LARGE1: variants seen among roughly 807,000 people sequenced by gnomAD.
The protein encoded by LARGE1 is xylosyl- and glucuronyltransferase LARGE1.
LARGE1 carries 43 observed loss-of-function variants against 87.6 expected under a neutral mutation model. The observed-to-expected ratio is 0.49, with a 90% CI of 0.38 to 0.63. The LOEUF (loss-of-function observed/expected upper bound fraction) is 0.63. Ranked by LOEUF, LARGE1 falls within the 30% of genes least tolerant of loss-of-function variation. LARGE1 has a pLI of 0.00. For missense variants in LARGE1, 802 were observed against 1,000.2 expected, an observed-to-expected ratio of 0.80 and a Z score of 2.67; for synonymous variants, 434 against 394.6, an observed-to-expected ratio of 1.10 and a Z score of -1.18.
At chr22:33,555,909 G>GGA (rs1490260479) in intron 6 of LARGE1, among the ~76,000 whole-genome samples, 5 of 147,866 alleles carry the variant, frequency 3.4e-5, no homozygotes, top group Admixed American at 6.8e-5. Context: ...TAGAGTGGGT[G>GGA]GAGAGAGAGA....
chr22:33,791,947 T>C (rs1280691574), intron 1 of LARGE1, among the ~76,000 whole-genome samples: 1 of 152,216 alleles, frequency 6.6e-6, no homozygotes, highest in Non-Finnish European at 1.5e-5. Context: ...CATTACCTCG[T>C]TTACTACTCA....
At chr22:33,441,635 T>A (rs922221253) in intron 6 of LARGE1, among the ~76,000 whole-genome samples, 1 of 152,066 alleles carries the variant, frequency 6.6e-6, no homozygotes, top group Non-Finnish European at 1.5e-5. Context: ...TTAAATTTTT[T>A]TTTGTAGACA....
chr22:33,180,339 C>T (rs937069370), intron 11 of LARGE1, among the ~76,000 whole-genome samples: 1 of 152,156 alleles, frequency 6.6e-6, no homozygotes, highest in South Asian at 2.1e-4. Context: ...ACATCATTAG[C>T]TATAGGAAAA....
At chr22:33,458,339 C>T (rs1438591526) in intron 6 of LARGE1, among the ~76,000 whole-genome samples, 1 of 152,138 alleles carries the variant, frequency 6.6e-6, no homozygotes, top group African/African-American at 2.4e-5. Context: ...CTCCTGACCT[C>T]ATGATCCGCC....
intron 11 of LARGE1, among the ~76,000 whole-genome samples, chr22:33,202,923 T>A (rs527721081): frequency 2.1e-4 from 32 of 152,338 alleles, no homozygotes; most frequent in Middle Eastern, 3.4e-3. Flanking sequence ...TTAGCAGGAA[T>A]TAGCTAAGTT....
At chr22:33,479,566 G>C (rs1270192893) in intron 6 of LARGE1, among the ~76,000 whole-genome samples, 1 of 152,154 alleles carries the variant, frequency 6.6e-6, no homozygotes, top group Non-Finnish European at 1.5e-5. Flanking sequence ...ATGAAAGGAT[G>C]AATGACTGAA....
intron 11 of LARGE1, among the ~76,000 whole-genome samples, chr22:33,207,650 G>A (rs1051634621): frequency 6.6e-6 from 1 of 151,974 alleles, no homozygotes; most frequent in African/African-American, 2.4e-5. Flanking sequence ...GAGCGTCGGC[G>A]ACCCCATTAT....
rs1933846957 is a variant in LARGE1 at position 33,299,447 on chromosome 22, C to T, written c.1730+4782G>A. 2.0e-5 allele frequency among the ~76,000 whole-genome samples: 3 copies of T among 152,250 alleles called. No individual in the cohort carries two copies. The South Asian group carries it at 6.2e-4, about 32-fold the overall frequency. ...CCTGACACATAGTACATGCTCACTA[C>T]ACAGTTTTTGAAAGAATGAGTAGTA... On this transcript the variant is annotated intron_variant, in intron 12 of 14. Coordinates refer to ENST00000397394, the MANE Select transcript of LARGE1 (RefSeq NM_133642.5).
chr22:33,918,530 A>G (rs2147003711), intron 1 of LARGE1, among the ~76,000 whole-genome samples: 1 of 152,348 alleles, frequency 6.6e-6, no homozygotes, highest in Non-Finnish European at 1.5e-5. Flanking sequence ...ATAAAGGTAC[A>G]CTAAGAGATG....
intron 2 of LARGE1, among the ~76,000 whole-genome samples, chr22:33,668,584 G>A (rs1474391729): frequency 6.6e-6 from 1 of 152,082 alleles, no homozygotes; most frequent in Non-Finnish European, 1.5e-5. Context: ...CTTTAGATCG[G>A]CGGAACTTGG....
intron 11 of LARGE1, among the ~76,000 whole-genome samples, chr22:33,183,450 CA>C (rs1923280451): frequency 6.6e-6 from 1 of 151,990 alleles, no homozygotes; most frequent in South Asian, 2.1e-4. Context: ...ATAGCAATAC[CA>C]CATGATCTGG....
At chr22:33,306,142 C>T (rs1220771964) in intron 11 of LARGE1, among the ~76,000 whole-genome samples, 1 of 152,178 alleles carries the variant, frequency 6.6e-6, no homozygotes, top group Non-Finnish European at 1.5e-5. Context: ...CCGCGCCTGG[C>T]CGACCAGAGC....
chr22:33,882,021 GT>G (rs2064700082), intron 1 of LARGE1, among the ~76,000 whole-genome samples: 1 of 148,982 alleles, frequency 6.7e-6, no homozygotes, highest in East Asian at 1.9e-4. Context: ...TCTTTGCGGG[GT>G]TTTTTTGTTT....
chr22:33,916,408 T>C (rs764934567), intron 1 of LARGE1, among the ~76,000 whole-genome samples: 33 of 152,330 alleles, frequency 2.2e-4, no homozygotes, highest in Non-Finnish European at 3.5e-4. Flanking sequence ...ACAGGGTAGA[T>C]GGTCTATTAT....
chr22:33,534,176 A>G (rs2076976013), intron 6 of LARGE1, among the ~76,000 whole-genome samples: 1 of 151,956 alleles, frequency 6.6e-6, no homozygotes, highest in Admixed American at 6.6e-5. Context: ...AGGCCGAGGC[A>G]GGCGGATCAC....
chr22:33,155,264 G>C, the LARGE1 span, among the ~76,000 whole-genome samples: 2 of 152,136 alleles, frequency 1.3e-5, no homozygotes, highest in African/African-American at 4.8e-5. Flanking sequence ...GTAGAGGTTG[G>C]AACACTTTGG....
At chr22:33,826,224 A>G (rs2062778590) in intron 1 of LARGE1, among the ~76,000 whole-genome samples, 1 of 151,838 alleles carries the variant, frequency 6.6e-6, no homozygotes, top group Non-Finnish European at 1.5e-5. Flanking sequence ...CACATCTATT[A>G]CTCGACTCTT....
intron 9 of LARGE1, among the ~76,000 whole-genome samples, chr22:33,372,890 C>T (rs1293080174): frequency 2.0e-5 from 3 of 152,086 alleles, no homozygotes; most frequent in Middle Eastern, 3.4e-3. Flanking sequence ...GACAGGAATC[C>T]ATAAGTAGGA....
At chr22:33,440,655 C>T (rs1449336785) in intron 6 of LARGE1, among the ~76,000 whole-genome samples, 2 of 152,134 alleles carry the variant, frequency 1.3e-5, no homozygotes, top group African/African-American at 2.4e-5. Flanking sequence ...ATCATATTAC[C>T]GTTTACTAAA....
Sources: gnomAD v4.1 joint callset for allele counts (sites outside exome capture counted in the v4.1 genomes callset) on GRCh38, gnomAD v4.1.1 for gene constraint, MANE v1.5 for transcripts, NCBI Gene and HGNC (gene_info 2026-07-23, HGNC 2026-07-21) for gene names.